The following MLLT3 variants were observed in gnomAD, a reference collection of about 807,000 sequenced individuals.
MLLT3 encodes the protein MLLT3 super elongation complex subunit, also known as protein AF-9.
MLLT3 carries 4 observed loss-of-function variants against 53.2 expected under a neutral mutation model. The observed-to-expected ratio is 0.08, with a 90% CI of 0.04 to 0.17. The LOEUF (loss-of-function observed/expected upper bound fraction) is 0.17. Among genes scored for constraint, MLLT3 ranks in the 10% least tolerant of loss-of-function variants. The pLI is 1.00. For synonymous variants in MLLT3, 283 were observed against 230.6 expected, an observed-to-expected ratio of 1.23 and a Z score of -2.06; for missense variants, 569 against 684.0, an observed-to-expected ratio of 0.83 and a Z score of 1.87.
At chr9:20,545,776 TG>T (rs1214107120) in intron 2 of MLLT3, among the ~76,000 whole-genome samples, 2 of 146,532 alleles carry the variant, frequency 1.4e-5, no homozygotes, top group Non-Finnish European at 1.5e-5. Context: ...CCCAACACTT[TG>T]GGAGGTCAGG....
intron 1 of MLLT3, 178 bp downstream of exon 1, chr9:20,622,067 G>T (rs1291324053): frequency 3.4e-5 from 8 of 237,896 alleles, no homozygotes; most frequent in Non-Finnish European, 5.3e-5. Context: ...GTGCGCGCCG[G>T]GGGGGGGTGG....
chr9:20,529,710 T>C (rs1425958462), intron 2 of MLLT3, among the ~76,000 whole-genome samples: 2 of 149,782 alleles, frequency 1.3e-5, no homozygotes, highest in African/African-American at 4.9e-5. Flanking sequence ...CTAGAAAAGA[T>C]GATTAATCCA....
intron 6 of MLLT3, among the ~76,000 whole-genome samples, chr9:20,365,396 G>C (rs1821425010): frequency 6.6e-6 from 1 of 152,076 alleles, no homozygotes; most frequent in Admixed American, 6.5e-5. Flanking sequence ...CTGGAGTGCA[G>C]TGGCGCGATC....
intron 2 of MLLT3, among the ~76,000 whole-genome samples, chr9:20,566,377 G>C (rs915986764): frequency 2.6e-5 from 4 of 151,978 alleles, no homozygotes; most frequent in South Asian, 2.1e-4. Context: ...CTATCACAAT[G>C]CATGTTCTTT....
intron 2 of MLLT3, among the ~76,000 whole-genome samples, chr9:20,610,222 G>T (rs1465109541): frequency 2.2e-4 from 34 of 152,086 alleles, no homozygotes; most frequent in Non-Finnish European, 4.4e-5. Flanking sequence ...CTAAAAGGCT[G>T]GTTGTATTTC....
At chr9:20,424,132 A>G (rs1408763686) in intron 4 of MLLT3, among the ~76,000 whole-genome samples, 1 of 152,142 alleles carries the variant, frequency 6.6e-6, no homozygotes, top group Admixed American at 6.6e-5. Context: ...GGATTCATAG[A>G]TTTTGGCAAC....
intron 2 of MLLT3, among the ~76,000 whole-genome samples, chr9:20,535,130 G>T (rs377252763): frequency 1.3e-5 from 2 of 152,098 alleles, no homozygotes; most frequent in African/African-American, 2.4e-5. Flanking sequence ...GTGAGCTAGC[G>T]TTACCGCCTG....
chr9:20,621,827 C>A lies in MLLT3; in HGVS notation c.12+418G>T. On this transcript the variant is annotated intron_variant, in intron 1 of 10. Coordinates refer to ENST00000380338, the MANE Select transcript of MLLT3 (RefSeq NM_004529.4). This position sits in a 1 kb window ranked among gnomAD's most constrained non-coding sequence, Gnocchi z 7.0. ...GTGCGGCCGCCGAGGCTGCTCGCCG[C>A]GTCCCCGGACTGTGCCCGCAGCTCC... 1 of 1,407,332 alleles carries A rather than the reference C, an allele frequency of 7.1e-7. No individual in the cohort carries two copies. Among genetic ancestry groups the A allele is most frequent in the Non-Finnish European group, 9.2e-7 (1 of 1,092,254 alleles). The allele number at this position is 1,407,332 out of a possible 1,614,324, so 87.2% of individuals were successfully genotyped here. A position where few individuals can be genotyped will look rare whatever the true frequency, so the allele number is the denominator to read the frequency against.
chr9:20,527,198 G>T (rs1268386552), intron 2 of MLLT3, among the ~76,000 whole-genome samples: 1 of 152,086 alleles, frequency 6.6e-6, no homozygotes, highest in East Asian at 1.9e-4. Flanking sequence ...GGACAGAGAA[G>T]AATATATAAA....
intron 5 of MLLT3, among the ~76,000 whole-genome samples, chr9:20,370,094 C>T (rs1351445405): frequency 6.6e-6 from 1 of 152,242 alleles, no homozygotes; most frequent in Admixed American, 6.5e-5. Flanking sequence ...TAATGAAATG[C>T]TATGCATGTA....
At chr9:20,585,060 T>G (rs1162330367) in intron 2 of MLLT3, among the ~76,000 whole-genome samples, 1 of 152,244 alleles carries the variant, frequency 6.6e-6, no homozygotes, top group Non-Finnish European at 1.5e-5. Flanking sequence ...GATGCATTAA[T>G]CTGTTCAGGT....
intron 2 of MLLT3, among the ~76,000 whole-genome samples, chr9:20,608,074 A>C (rs1820611957): frequency 6.6e-6 from 1 of 151,932 alleles, no homozygotes; most frequent in South Asian, 2.1e-4. Context: ...TCTCTGCCCT[A>C]AATCTTTTTT....
intron 2 of MLLT3, among the ~76,000 whole-genome samples, chr9:20,537,355 A>T (rs960249503): frequency 1.2e-4 from 19 of 152,214 alleles, no homozygotes; most frequent in African/African-American, 4.1e-4. Flanking sequence ...GGAAATGTAC[A>T]ATTTACAGAA....
chr9:20,540,156 C>T (rs1229208516), intron 2 of MLLT3, among the ~76,000 whole-genome samples: 2 of 152,232 alleles, frequency 1.3e-5, no homozygotes, highest in Non-Finnish European at 2.9e-5. Flanking sequence ...GCCCCTGTGG[C>T]TCTGCAAGGT....
chr9:20,484,714 T>A lies in MLLT3; in HGVS notation c.194-27928A>T, dbSNP rs533769875. Among the ~76,000 whole-genome samples the A allele has an allele frequency of 1.8e-4, 27 of 152,214 alleles. No individual in the cohort carries two copies. The East Asian group carries it at 3.7e-3, about 21-fold the overall frequency. ...TCCCATTAGTCTGTAACCTGTAAAG[T>A]CTGTAAAAAGAACTGCCCTTCCCCC... On this transcript the variant is annotated intron_variant, in intron 2 of 10. Coordinates refer to ENST00000380338, the MANE Select transcript of MLLT3 (RefSeq NM_004529.4).
intron 2 of MLLT3, among the ~76,000 whole-genome samples, chr9:20,575,540 C>T (rs1459370920): frequency 6.6e-6 from 1 of 152,028 alleles, no homozygotes; most frequent in Non-Finnish European, 1.5e-5. Flanking sequence ...AAAATTACTC[C>T]CTGACCCACA....
At chr9:20,437,513 G>A (rs1271801971) in intron 4 of MLLT3, among the ~76,000 whole-genome samples, 2 of 152,128 alleles carry the variant, frequency 1.3e-5, no homozygotes, top group East Asian at 3.9e-4. Flanking sequence ...CAAGAAACCT[G>A]ACCCTGGGAG....
Position 20,356,318 on chromosome 9 carries a change from G to A in MLLT3, c.1432-1439C>T, listed in dbSNP as rs75688695. Among the ~76,000 whole-genome samples the A allele has an allele frequency of 4.0e-3, 609 of 152,024 alleles. 4 individuals are homozygous for A. Among genetic ancestry groups the A allele is most frequent in the African/African-American group, 0.014 (571 of 41,444 alleles). On this transcript the variant is annotated intron_variant, in intron 8 of 10. Transcript: ENST00000380338. ...GGCTAACTTAAAATACAATACTTTT[G>A]GCAACACAAGGAAATTACGTATTAA...
At chr9:20,453,449 G>A (rs1823886877) in intron 3 of MLLT3, among the ~76,000 whole-genome samples, 2 of 152,126 alleles carry the variant, frequency 1.3e-5, no homozygotes, top group Non-Finnish European at 2.9e-5. Context: ...TGTGGTCCCA[G>A]CTACTTGGGA....
Sources: allele counts gnomAD v4.1 joint callset (sites outside exome capture counted in the v4.1 genomes callset), GRCh38; gene constraint gnomAD v4.1.1; non-coding constraint Gnocchi (gnomAD v3.1); transcripts MANE v1.5; gene names NCBI Gene and HGNC (gene_info 2026-07-23, HGNC 2026-07-21).